Variants in CYP2J2 observed in about 807,000 individuals in gnomAD.
CYP2J2 encodes the protein cytochrome P450 family 2 subfamily J member 2.
A neutral mutation model predicts 48.8 loss-of-function variants in CYP2J2; 41 were observed. The ratio of observed to expected loss-of-function variants is 0.84; its 90% CI spans 0.66 to 1.09. The LOEUF (loss-of-function observed/expected upper bound fraction) is 1.09, where lower values mean the gene tolerates loss of function less well. Among genes scored for constraint, CYP2J2 ranks in the 50% least tolerant of loss-of-function variants. CYP2J2 has a pLI of 0.00. For missense variants in CYP2J2, 644 were observed against 617.3 expected (o/e 1.04, Z -0.46); for synonymous variants, 221 against 227.1 (o/e 0.97, Z 0.24).
At chr1:59,925,675 T>G (rs145741933) in intron 1 of CYP2J2, among the ~76,000 whole-genome samples, 243 of 152,356 alleles carry the variant, frequency 1.6e-3, no homozygotes, top group African/African-American at 5.5e-3. Flanking sequence ...GATAAAACTT[T>G]GTCTATCAAT....
the CYP2J2 span, among the ~76,000 whole-genome samples, chr1:59,943,689 T>TC: frequency 0.015 from 2,216 of 150,284 alleles, 62 homozygotes; most frequent in African/African-American, 0.049. Flanking sequence ...TTTTTTTTTT[T>TC]CCCCCCACAA....
chr1:59,900,593 C>T (rs1644310525), intron 8 of CYP2J2, among the ~76,000 whole-genome samples: 1 of 152,126 alleles, frequency 6.6e-6, no homozygotes, highest in Non-Finnish European at 1.5e-5. Flanking sequence ...GAGATCATGG[C>T]ATTGCATTCC....
At chr1:59,937,342 G>A in the CYP2J2 span, among the ~76,000 whole-genome samples, 1 of 152,106 alleles carries the variant, frequency 6.6e-6, no homozygotes, top group Non-Finnish European at 1.5e-5. Flanking sequence ...TAATGGCTAT[G>A]GCTAGTTGGC....
chr1:59,951,749 G>T, the CYP2J2 span, among the ~76,000 whole-genome samples: 1 of 152,074 alleles, frequency 6.6e-6, no homozygotes. Context: ...AGTCACCAAG[G>T]ACCCTCCTGT....
upstream of CYP2J2, among the ~76,000 whole-genome samples, chr1:59,931,095 AAAGT>A (rs771057447): frequency 6.6e-6 from 1 of 152,178 alleles, no homozygotes; most frequent in Non-Finnish European, 1.5e-5. Context: ...ATTGATAAGA[AAAGT>A]AAGATAACAG....
chr1:59,922,637 A>T (rs1574262123), intron 1 of CYP2J2, among the ~76,000 whole-genome samples: 2 of 152,312 alleles, frequency 1.3e-5, no homozygotes, highest in East Asian at 3.9e-4. Context: ...TCTTAGGAAT[A>T]CAACAAAGGT....
At chr1:59,949,002 A>G in the CYP2J2 span, among the ~76,000 whole-genome samples, 2 of 151,882 alleles carry the variant, frequency 1.3e-5, no homozygotes, top group African/African-American at 4.8e-5. Flanking sequence ...GTGAATGGTC[A>G]CTGCACTGCA....
the CYP2J2 span, among the ~76,000 whole-genome samples, chr1:59,962,545 A>G: frequency 6.6e-6 from 1 of 152,340 alleles, no homozygotes; most frequent in East Asian, 1.9e-4. Flanking sequence ...AAATCAAACA[A>G]ACAGAGAAAT....
the CYP2J2 span, among the ~76,000 whole-genome samples, chr1:59,948,979 C>T: frequency 6.6e-6 from 1 of 152,004 alleles, no homozygotes; most frequent in Admixed American, 6.6e-5. Flanking sequence ...TGTAGTGTGC[C>T]ATGATTGTGC....
At chr1:59,905,705 A>G (rs1166464761) in intron 6 of CYP2J2, among the ~76,000 whole-genome samples, 1 of 152,244 alleles carries the variant, frequency 6.6e-6, no homozygotes, top group African/African-American at 2.4e-5. Context: ...TAGTGAGGAT[A>G]AATCTACCTT....
At chr1:59,906,588 C>T (rs1644367224) in intron 6 of CYP2J2, among the ~76,000 whole-genome samples, 1 of 152,168 alleles carries the variant, frequency 6.6e-6, no homozygotes, top group Middle Eastern at 3.4e-3. Context: ...AATATATTCA[C>T]ATTGTTAGGC....
chr1:59,951,072 G>A, the CYP2J2 span, among the ~76,000 whole-genome samples: 1 of 152,156 alleles, frequency 6.6e-6, no homozygotes, highest in African/African-American at 2.4e-5. Flanking sequence ...ACCTTTGTAA[G>A]GAGCATGGGA....
Position 59,915,980 on chromosome 1 carries a change from G to C in CYP2J2, c.331C>G (p.Arg111Gly). 2 of 1,613,906 alleles carry C rather than the reference G, an allele frequency of 1.2e-6. No homozygotes were observed. Among genetic ancestry groups the C allele is most frequent in the Non-Finnish European group, 1.7e-6 (2 of 1,179,902 alleles). Residue 111 changes from arginine to glycine, a missense_variant, in exon 2 of 9, where the codon CGC becomes GGC. Transcript: ENST00000371204. ...TGTTCTCGCATAGGGGTCACGGGGC[G>C]GTTCCCAAAGTTTTGGTCCATGTGG... ...LIHMDQNFGN[R>G]PVTPMREHIF...
At chr1:59,911,864 G>T in intron 3 of CYP2J2, 96 bp from the exon 4 acceptor site, 2 of 1,239,654 alleles carry the variant, frequency 1.6e-6, no homozygotes, top group Non-Finnish European at 2.3e-6. Context: ...CATACCTAGT[G>T]CAGAACCATA....
At chr1:59,939,334 A>T in the CYP2J2 span, among the ~76,000 whole-genome samples, 1 of 152,244 alleles carries the variant, frequency 6.6e-6, no homozygotes, top group Non-Finnish European at 1.5e-5. Context: ...TTGCAGGCTC[A>T]TAGAAGTAAT....
the CYP2J2 span, among the ~76,000 whole-genome samples, chr1:59,938,220 TAAAAG>T: frequency 1.3e-4 from 20 of 152,212 alleles, no homozygotes; most frequent in African/African-American, 4.8e-4. Flanking sequence ...GAGAGACTGA[TAAAAG>T]AAATAAGACA....
In CYP2J2 at chr1:59,926,595, G is replaced by A. The variant is rs1457675323; in HGVS notation, c.152C>T (p.Pro51Leu). ...CACAAGGAAGAAGTTGCCAAGGAAG[G>A]GCAGGCGCCAGGGCCCCGGCGGGTA... ...KNYPPGPWRL[P>L]FLGNFFLVDF... The change falls in exon 1 of 9, where the codon CCC becomes CTC. Residue 51 changes from proline to leucine, a missense_variant. Transcript: ENST00000371204. 6.2e-7 allele frequency: 1 copy of A among 1,614,216 alleles called. No individual in the cohort carries two copies. The highest frequency in any genetic ancestry group is 8.5e-7 in the Non-Finnish European group (1 of 1,180,038).
intron 7 of CYP2J2, among the ~76,000 whole-genome samples, chr1:59,903,486 G>A (rs1046578872): frequency 2.0e-5 from 3 of 152,126 alleles, no homozygotes; most frequent in Non-Finnish European, 4.4e-5. Context: ...GATAGACATC[G>A]ACATAAAGAT....
the CYP2J2 span, among the ~76,000 whole-genome samples, chr1:59,947,602 A>T: frequency 6.6e-6 from 1 of 152,134 alleles, no homozygotes; most frequent in East Asian, 1.9e-4. Flanking sequence ...CTTTCCAACC[A>T]CTATGTCTCC....
Sources: gnomAD v4.1 joint callset for allele counts (sites outside exome capture counted in the v4.1 genomes callset) on GRCh38, gnomAD v4.1.1 for gene constraint, MANE v1.5 for transcripts, NCBI Gene and HGNC (gene_info 2026-07-23, HGNC 2026-07-21) for gene names.